Variants in ADAMTS16 observed in about 807,000 individuals in gnomAD.
ADAMTS16 encodes ADAM metallopeptidase with thrombospondin type 1 motif 16, also known as A disintegrin and metalloproteinase with thrombospondin motifs 16.
A neutral mutation model predicts 145.8 loss-of-function variants in ADAMTS16; 94 were observed. That is an observed-to-expected ratio of 0.64 (90% CI 0.55 to 0.77). The LOEUF (loss-of-function observed/expected upper bound fraction) is 0.77. Ranked by LOEUF, ADAMTS16 falls within the 30% of genes least tolerant of loss-of-function variation. ADAMTS16 has a pLI of 0.00. For synonymous variants in ADAMTS16, 659 were observed against 604.3 expected (o/e 1.09, Z -1.33); for missense variants, 1,585 against 1,591.5 (o/e 1.00, Z 0.07).
chr5:5,179,471 A>G (rs959144905), intron 3 of ADAMTS16, among the ~76,000 whole-genome samples: 1 of 152,210 alleles, frequency 6.6e-6, no homozygotes, highest in Admixed American at 6.5e-5. Flanking sequence ...GGAGAAACTA[A>G]TTGGGTAGCG....
At chr5:5,264,018 C>T (rs1434537242) in intron 18 of ADAMTS16, among the ~76,000 whole-genome samples, 1 of 152,128 alleles carries the variant, frequency 6.6e-6, no homozygotes, top group African/African-American at 2.4e-5. Context: ...CATCTTCTCC[C>T]AAAGTCAGCA....
intron 13 of ADAMTS16, 88 bp from the exon 14 acceptor site, chr5:5,236,881 A>G: frequency 3.4e-6 from 5 of 1,473,564 alleles, no homozygotes; most frequent in Non-Finnish European, 4.5e-6. Context: ...ATGGGGGAAG[A>G]AAGAAAGTCT....
intron 18 of ADAMTS16, among the ~76,000 whole-genome samples, chr5:5,302,752 G>A (rs1739837381): frequency 6.6e-6 from 1 of 152,164 alleles, no homozygotes; most frequent in African/African-American, 2.4e-5. Context: ...CTTCAGGGAT[G>A]TTAACGAATC....
intron 10 of ADAMTS16, among the ~76,000 whole-genome samples, chr5:5,216,775 G>T (rs1289860606): frequency 9.8e-6 from 1 of 102,046 alleles, no homozygotes; most frequent in East Asian, 3.0e-4. Flanking sequence ...CCCCACAACC[G>T]TCCCCAGAGT....
chr5:5,222,415 A>C (rs2126347177), intron 10 of ADAMTS16, among the ~76,000 whole-genome samples: 1 of 152,318 alleles, frequency 6.6e-6, no homozygotes, highest in African/African-American at 2.4e-5. Flanking sequence ...AGACTTGGAC[A>C]GATTCAGGAA....
Position 5,319,733 on chromosome 5 carries a change from T to C in ADAMTS16, c.*595T>C. ...AGCCACCGCCGGAGCCAGCGTCATC[T>C]CTAGGGTCACTGGCCAGGGGACTGC... On this transcript the variant is annotated 3_prime_UTR_variant, in exon 23 of 23. Transcript: ENST00000274181. 1 of 392,176 alleles carries C rather than the reference T, an allele frequency of 2.5e-6. No individual in the cohort carries two copies. The highest frequency in any genetic ancestry group is 2.0e-5 in the South Asian group (1 of 50,626). 24.3% of individuals were successfully genotyped at this position (392,176 alleles called of 1,614,324 possible). A position where few individuals can be genotyped will look rare whatever the true frequency, so the allele number is the denominator to read the frequency against.
chr5:5,156,274 C>G (rs1028378974), intron 3 of ADAMTS16, among the ~76,000 whole-genome samples: 1 of 152,086 alleles, frequency 6.6e-6, no homozygotes, highest in Non-Finnish European at 1.5e-5. Context: ...GAATAACTAC[C>G]AGGGATGTTT....
intron 21 of ADAMTS16, among the ~76,000 whole-genome samples, chr5:5,311,413 T>G (rs1392231707): frequency 6.6e-6 from 1 of 152,220 alleles, no homozygotes; most frequent in Non-Finnish European, 1.5e-5. Flanking sequence ...TGGAATCTTT[T>G]TTCGGTATTA....
intron 3 of ADAMTS16, among the ~76,000 whole-genome samples, chr5:5,147,508 T>TA (rs998831282): frequency 7.9e-5 from 12 of 152,212 alleles, no homozygotes; most frequent in Admixed American, 2.0e-4. Flanking sequence ...CTAAATCCTG[T>TA]AAAAAAATTT....
chr5:5,143,013 C>A (rs997789860), intron 2 of ADAMTS16, among the ~76,000 whole-genome samples: 1 of 152,112 alleles, frequency 6.6e-6, no homozygotes, highest in Non-Finnish European at 1.5e-5. Context: ...ATGAAGAAAA[C>A]CGAAACTGGA....
chr5:5,146,666 T>A (rs1734306181), intron 3 of ADAMTS16, among the ~76,000 whole-genome samples: 1 of 152,368 alleles, frequency 6.6e-6, no homozygotes, highest in African/African-American at 2.4e-5. Flanking sequence ...CCCACCCTGC[T>A]GCTGCTGTTC....
At chr5:5,295,055 A>T (rs912854170) in intron 18 of ADAMTS16, among the ~76,000 whole-genome samples, 3 of 152,240 alleles carry the variant, frequency 2.0e-5, no homozygotes, top group African/African-American at 7.2e-5. Flanking sequence ...CACTTAAAAG[A>T]CACAAATGCG....
intron 17 of ADAMTS16, among the ~76,000 whole-genome samples, chr5:5,244,367 G>T (rs918724344): frequency 6.6e-6 from 1 of 152,210 alleles, no homozygotes; most frequent in South Asian, 2.1e-4. Flanking sequence ...TTATTGCCAT[G>T]TATTGAGCAC....
At chr5:5,239,996 TG>T in intron 16 of ADAMTS16, 71 bp downstream of exon 16, 37 of 1,564,498 alleles carry the variant, frequency 2.4e-5, no homozygotes, top group Non-Finnish European at 2.9e-5. Flanking sequence ...AGTTAATGGC[TG>T]TTGGCATAAT....
rs1740391493 is a variant in ADAMTS16, at chr5:5,310,722, C to T, written c.3411+3994C>T. Among the ~76,000 whole-genome samples the T allele has an allele frequency of 6.6e-6, 1 of 152,224 alleles. No homozygotes were observed. Among genetic ancestry groups the T allele is most frequent in the African/African-American group, 2.4e-5 (1 of 41,458 alleles). On this transcript the variant is annotated intron_variant, in intron 21 of 22. Transcript: ENST00000274181. This position sits in a 1 kb window ranked among gnomAD's most constrained non-coding sequence, Gnocchi z 4.3. ...TCCCTCAACCTCCAGAAGGCACCAC[C>T]TCTGCTGCTCATACCTTAATTTTGG...
chr5:5,316,823 AG>A (rs944915806), intron 21 of ADAMTS16, among the ~76,000 whole-genome samples: 28 of 152,334 alleles, frequency 1.8e-4, no homozygotes, highest in Middle Eastern at 3.4e-3. Flanking sequence ...ACCACCAGAA[AG>A]GGTGGCTTGT....
At chr5:5,251,975 C>T (rs552825066) in intron 17 of ADAMTS16, among the ~76,000 whole-genome samples, 4 of 152,252 alleles carry the variant, frequency 2.6e-5, no homozygotes, top group African/African-American at 4.8e-5. Context: ...CGCAGCCTCC[C>T]GAGTAGCTGG....
chr5:5,239,643 G>A (rs752760894), intron 15 of ADAMTS16, 38 bp from the exon 16 acceptor site: 15 of 1,604,660 alleles, frequency 9.3e-6, no homozygotes, highest in African/African-American at 1.3e-5. Flanking sequence ...CTGCTTTCTG[G>A]AATGAAAAGC....
At chr5:5,193,210 C>T (rs1417464098) in intron 8 of ADAMTS16, among the ~76,000 whole-genome samples, 1 of 152,004 alleles carries the variant, frequency 6.6e-6, no homozygotes, top group Non-Finnish European at 1.5e-5. Context: ...TGTGTATACA[C>T]ATGTGCTTGT....
Sources: gnomAD v4.1 joint callset for allele counts (sites outside exome capture counted in the v4.1 genomes callset) on GRCh38, gnomAD v4.1.1 for gene constraint, Gnocchi (gnomAD v3.1) non-coding constraint, MANE v1.5 for transcripts, NCBI Gene and HGNC (gene_info 2026-07-23, HGNC 2026-07-21) for gene names.